The following EHMT1 variants were observed in gnomAD, a reference collection of about 807,000 sequenced individuals.
EHMT1 encodes the protein euchromatic histone lysine methyltransferase 1.
In EHMT1, 15 loss-of-function variants were observed where a neutral mutation model predicts 147.2. The ratio of observed to expected loss-of-function variants is 0.10; its 90% CI spans 0.07 to 0.16. The LOEUF is 0.16. EHMT1 is among the 10% of genes least tolerant of loss of function. The pLI, the probability that EHMT1 is intolerant of heterozygous loss-of-function variation, is 1.00. For synonymous variants in EHMT1, 795 were observed against 709.6 expected (o/e 1.12, Z -1.91); for missense variants, 1,587 against 1,772.4 (o/e 0.90, Z 1.88).
chr9:137,747,539 T>C (rs1188791638), intron 6 of EHMT1: 2 of 152,068 alleles, frequency 1.3e-5, no homozygotes, highest in Non-Finnish European at 2.9e-5. Flanking sequence ...AGGATGAGAG[T>C]GATTCATTAC....
intron 1 of EHMT1, chr9:137,667,128 C>A (rs772168310): frequency 6.6e-6 from 1 of 152,238 alleles, no homozygotes; most frequent in Non-Finnish European, 1.5e-5. Flanking sequence ...GCAGTGCCAT[C>A]GCTCACGTGT....
chr9:137,823,786 G>C (rs990737849), intron 25 of EHMT1, among the ~76,000 whole-genome samples: 1 of 151,710 alleles, frequency 6.6e-6, no homozygotes, highest in African/African-American at 2.4e-5. Context: ...TCGAACTCCT[G>C]ACTGCAGGTG....
chr9:137,778,191 T>A (rs983421251), intron 13 of EHMT1, 136 bp downstream of exon 13: 10 of 1,225,432 alleles, frequency 8.2e-6, no homozygotes, highest in African/African-American at 4.5e-5. Context: ...TCGTATATTT[T>A]CACACTATTT....
At chr9:137,757,299 C>T (rs1386584635) in intron 8 of EHMT1, among the ~76,000 whole-genome samples, 1 of 152,216 alleles carries the variant, frequency 6.6e-6, no homozygotes, top group Non-Finnish European at 1.5e-5. Context: ...CTCCCTGGCA[C>T]CTTCTGTGGG....
intron 1 of EHMT1, among the ~76,000 whole-genome samples, chr9:137,690,071 A>T (rs1182837466): frequency 2.0e-5 from 3 of 152,218 alleles, no homozygotes; most frequent in African/African-American, 7.2e-5. Flanking sequence ...GATCTGACTT[A>T]CATTTTAATG....
At chr9:137,774,306 A>G (rs1588636921) in intron 10 of EHMT1, among the ~76,000 whole-genome samples, 1 of 152,108 alleles carries the variant, frequency 6.6e-6, no homozygotes, top group South Asian at 2.1e-4. Context: ...ATGTGGGCAC[A>G]TGTGGCCCAC....
At chr9:137,711,684 G>A (rs748926038) in intron 2 of EHMT1, among the ~76,000 whole-genome samples, 14 of 152,082 alleles carry the variant, frequency 9.2e-5, no homozygotes, top group East Asian at 3.9e-4. Flanking sequence ...AAGGCGTGGC[G>A]CACACATAGG....
chr9:137,820,373 G>A (rs7863214), intron 25 of EHMT1, among the ~76,000 whole-genome samples: 6,638 of 152,316 alleles, frequency 0.044, 464 homozygotes, highest in African/African-American at 0.15. Context: ...CTCGCCTTCT[G>A]TGGGCTGGTG....
intron 25 of EHMT1, among the ~76,000 whole-genome samples, chr9:137,820,646 T>C (rs534684941): frequency 4.6e-5 from 7 of 152,362 alleles, no homozygotes; most frequent in Admixed American, 3.9e-4. Context: ...CCGTTCTGTG[T>C]GTGATGTAAG....
intron 1 of EHMT1, among the ~76,000 whole-genome samples, chr9:137,662,959 A>G (rs1299930481): frequency 6.6e-6 from 1 of 151,312 alleles, no homozygotes; most frequent in East Asian, 1.9e-4. Context: ...ATGCCCGGCT[A>G]ATTTTTGTAC....
intron 25 of EHMT1, among the ~76,000 whole-genome samples, chr9:137,822,791 G>A (rs936843841): frequency 7.2e-5 from 11 of 151,950 alleles, no homozygotes; most frequent in African/African-American, 2.7e-4. Flanking sequence ...TACTCGGGAG[G>A]CTGAGGCAGG....
chr9:137,757,323 C>T (rs1197854542), intron 8 of EHMT1, among the ~76,000 whole-genome samples: 1 of 152,206 alleles, frequency 6.6e-6, no homozygotes, highest in African/African-American at 2.4e-5. Context: ...CGTGAGCCTC[C>T]CGTGTTTACT....
At chr9:137,654,660 G>A (rs1445331147) in intron 1 of EHMT1, among the ~76,000 whole-genome samples, 1 of 152,204 alleles carries the variant, frequency 6.6e-6, no homozygotes, top group Non-Finnish European at 1.5e-5. Flanking sequence ...GCCAGCTGGG[G>A]CCCAGTGAGG....
At chr9:137,791,781 G>T (rs1398740184) in intron 16 of EHMT1, among the ~76,000 whole-genome samples, 1 of 152,098 alleles carries the variant, frequency 6.6e-6, no homozygotes, top group Non-Finnish European at 1.5e-5. Context: ...ACCCAGATTG[G>T]AGTGCAGTGG....
chr9:137,774,972 T>G, intron 10 of EHMT1, 137 bp from the exon 11 acceptor site: 1 of 1,245,084 alleles, frequency 8.0e-7, no homozygotes, highest in Non-Finnish European at 1.2e-6. Flanking sequence ...AAAGCCAAGC[T>G]GGCCTTGCAG....
intron 1 of EHMT1, among the ~76,000 whole-genome samples, chr9:137,685,816 A>G (rs913459278): frequency 5.3e-5 from 8 of 152,256 alleles, no homozygotes; most frequent in Admixed American, 1.3e-4. Context: ...TCTGCAATGC[A>G]TAATGAATGA....
At chr9:137,669,165 G>T (rs1458179649) in intron 1 of EHMT1, among the ~76,000 whole-genome samples, 1 of 152,116 alleles carries the variant, frequency 6.6e-6, no homozygotes, top group Admixed American at 6.5e-5. Context: ...GAGATTACAG[G>T]CGTGAGCCAC....
At chr9:137,745,516 G>A (rs1303822327) in intron 6 of EHMT1, 1 of 398,572 alleles carries the variant, frequency 2.5e-6, no homozygotes. Flanking sequence ...CATTGTCCTG[G>A]TGGCTCTGGC....
intron 18 of EHMT1, among the ~76,000 whole-genome samples, chr9:137,805,256 A>G (rs1953848998): frequency 1.3e-5 from 2 of 151,950 alleles, no homozygotes; most frequent in Middle Eastern, 3.5e-3. Flanking sequence ...TCAGTTGTCT[A>G]CATGTAAGGG....
Sources: gnomAD v4.1 joint callset for allele counts (sites outside exome capture counted in the v4.1 genomes callset) on GRCh38, gnomAD v4.1.1 for gene constraint, MANE v1.5 for transcripts, NCBI Gene and HGNC (gene_info 2026-07-23, HGNC 2026-07-21) for gene names.